The following SDK1 variants were observed in gnomAD, a reference collection of about 807,000 sequenced individuals.
The protein encoded by SDK1 is protein sidekick-1.
Under a neutral mutation model 245.5 loss-of-function variants are expected in SDK1, and 157 were observed. The ratio of observed to expected loss-of-function variants is 0.64; its 90% CI spans 0.56 to 0.73. The LOEUF (loss-of-function observed/expected upper bound fraction) is 0.73, where lower values mean the gene tolerates loss of function less well. Ranked by LOEUF, SDK1 falls within the 30% of genes least tolerant of loss-of-function variation. The pLI, the probability that SDK1 is intolerant of heterozygous loss-of-function variation, is 0.00. For synonymous variants in SDK1, 1,647 were observed against 1,278.5 expected (o/e 1.29, Z -6.15); for missense variants, 3,583 against 3,002.3 (o/e 1.19, Z -4.52).
chr7:3,705,912 C>T (rs1784876433), intron 4 of SDK1, among the ~76,000 whole-genome samples: 1 of 152,108 alleles, frequency 6.6e-6, no homozygotes, highest in African/African-American at 2.4e-5. Flanking sequence ...GGGTTTGCCA[C>T]AGATGGCTTT....
intron 1 of SDK1, among the ~76,000 whole-genome samples, chr7:3,586,853 G>A (rs1780706682): frequency 6.6e-6 from 1 of 152,202 alleles, no homozygotes; most frequent in Non-Finnish European, 1.5e-5. Context: ...GACAGAAGCT[G>A]CCACTTGAGC....
In SDK1 at chr7:4,265,647, G is replaced by T. The variant is rs1408263347; in HGVS notation, c.*263G>T. On this transcript the variant is annotated 3_prime_UTR_variant, in exon 45 of 45. Coordinates refer to ENST00000404826, the MANE Select transcript of SDK1 (RefSeq NM_152744.4). ...AGAAGGTGTATTTCACTGGTGCAAT[G>T]GCTTGGCACCTCCGGGGCCTGGGAG... 7.9e-7 allele frequency: 1 copy of T among 1,266,650 alleles called. No homozygotes were observed. Among genetic ancestry groups the T allele is most frequent in the African/African-American group, 1.6e-5 (1 of 63,390 alleles). 78.5% of individuals were successfully genotyped at this position (1,266,650 alleles called of 1,614,324 possible). A position where few individuals can be genotyped will look rare whatever the true frequency, so the allele number is the denominator to read the frequency against.
rs1361051550 is a variant in SDK1 at position 4,267,956 on chromosome 7, G to T, written c.*2572G>T. The T allele has an allele frequency of 1.0e-6, 1 of 985,472 alleles. No homozygotes were observed. Among genetic ancestry groups the T allele is most frequent in the Non-Finnish European group, 1.2e-6 (1 of 829,964 alleles). The allele number at this position is 985,472 out of a possible 1,614,324, so 61.0% of individuals were successfully genotyped here. ...AGATTTTGGCCTCCCAGAGCAATGC[G>T]GCATTTGAGAAGCAACAGTTCCTAA... On this transcript the variant is annotated 3_prime_UTR_variant, in exon 45 of 45. Coordinates refer to ENST00000404826, the MANE Select transcript of SDK1 (RefSeq NM_152744.4).
intron 35 of SDK1, among the ~76,000 whole-genome samples, chr7:4,199,275 C>T (rs1184567790): frequency 1.3e-5 from 2 of 152,200 alleles, no homozygotes; most frequent in African/African-American, 2.4e-5. Flanking sequence ...CCGGATCTTC[C>T]TGTGATGGGG....
chr7:4,021,273 A>G (rs2128153995), intron 17 of SDK1, among the ~76,000 whole-genome samples: 1 of 152,244 alleles, frequency 6.6e-6, no homozygotes, highest in South Asian at 2.1e-4. Context: ...CCCCTCATCT[A>G]TCCACAGATC....
At chr7:3,315,551 A>G (rs1779643522) in intron 1 of SDK1, among the ~76,000 whole-genome samples, 1 of 152,166 alleles carries the variant, frequency 6.6e-6, no homozygotes, top group Non-Finnish European at 1.5e-5. Flanking sequence ...GCATATTATA[A>G]AACAGGTAAG....
rs1360782188 is a variant in SDK1, at chr7:3,534,851, T to C, written c.299-84229T>C. 2.6e-5 allele frequency among the ~76,000 whole-genome samples: 4 copies of C among 152,180 alleles called. No individual in the cohort carries two copies. In the South Asian group the frequency reaches 6.2e-4, roughly 24 times the overall value. On this transcript the variant is annotated intron_variant, in intron 1 of 44. Coordinates refer to ENST00000404826, the MANE Select transcript of SDK1 (RefSeq NM_152744.4). ...GCAGTTGTGCCAATCATGTTCAAAA[T>C]GGTGGCCCCATCTTCCCTTCTCTTT...
chr7:3,457,477 TGTG>T (rs1780707610), intron 1 of SDK1, among the ~76,000 whole-genome samples: 1 of 152,176 alleles, frequency 6.6e-6, no homozygotes, highest in African/African-American at 2.4e-5. Context: ...TCAATCATAA[TGTG>T]GTGTGTACAT....
chr7:4,083,033 C>T (rs1245438197), intron 22 of SDK1, among the ~76,000 whole-genome samples: 1 of 152,084 alleles, frequency 6.6e-6, no homozygotes, highest in Non-Finnish European at 1.5e-5. Flanking sequence ...GCAGGGTTCA[C>T]ACTATTCATT....
chr7:3,940,484 TCTTC>T (rs1780317631), intron 5 of SDK1, among the ~76,000 whole-genome samples: 1 of 152,186 alleles, frequency 6.6e-6, no homozygotes, highest in Non-Finnish European at 1.5e-5. Context: ...GGCATCTTCT[TCTTC>T]CTTCCCAGCC....
chr7:4,161,320 A>G (rs906806769), intron 31 of SDK1, among the ~76,000 whole-genome samples: 5 of 152,162 alleles, frequency 3.3e-5, no homozygotes, highest in African/African-American at 1.2e-4. Context: ...CCAGAAATCA[A>G]TCTCCTTTCC....
At chr7:3,339,970 A>G (rs957863564) in intron 1 of SDK1, among the ~76,000 whole-genome samples, 2 of 152,136 alleles carry the variant, frequency 1.3e-5, no homozygotes, top group African/African-American at 4.8e-5. Context: ...GATAAAAAGG[A>G]ATAAGACCCA....
At chr7:3,742,539 T>C (rs1779506022) in intron 4 of SDK1, among the ~76,000 whole-genome samples, 1 of 152,176 alleles carries the variant, frequency 6.6e-6, no homozygotes, top group Non-Finnish European at 1.5e-5. Flanking sequence ...TTTGCCTTCA[T>C]ACAGTCTGCC....
At chr7:3,852,261 G>T (rs559220348) in intron 5 of SDK1, among the ~76,000 whole-genome samples, 1 of 151,364 alleles carries the variant, frequency 6.6e-6, no homozygotes, top group South Asian at 2.1e-4. Context: ...TTCCGTAGAA[G>T]TATAGAAAAC....
intron 1 of SDK1, among the ~76,000 whole-genome samples, chr7:3,463,321 C>T (rs1166456533): frequency 6.6e-6 from 1 of 151,944 alleles, no homozygotes. Context: ...CTGAAAAATA[C>T]TTGTCATATA....
At chr7:4,145,207 C>T (rs549139970) in intron 28 of SDK1, among the ~76,000 whole-genome samples, 2 of 152,228 alleles carry the variant, frequency 1.3e-5, no homozygotes, top group East Asian at 3.9e-4. Context: ...TGCTGGGGTC[C>T]CTGGAGGGAG....
At chr7:3,354,610 T>C (rs2128559081) in intron 1 of SDK1, among the ~76,000 whole-genome samples, 1 of 152,312 alleles carries the variant, frequency 6.6e-6, no homozygotes, top group East Asian at 1.9e-4. Context: ...TCTACATTTT[T>C]TTCATGTGTA....
chr7:3,908,030 G>A (rs1305629223), intron 5 of SDK1, among the ~76,000 whole-genome samples: 2 of 152,118 alleles, frequency 1.3e-5, no homozygotes, highest in African/African-American at 4.8e-5. Context: ...TTGATACATT[G>A]TTTCCTGAGC....
intron 19 of SDK1, among the ~76,000 whole-genome samples, chr7:4,060,585 G>A (rs1354054314): frequency 6.6e-6 from 1 of 152,020 alleles, no homozygotes; most frequent in Non-Finnish European, 1.5e-5. Context: ...CTCCCATTGT[G>A]TAGGTTGCCT....
Sources: allele counts gnomAD v4.1 joint callset (sites outside exome capture counted in the v4.1 genomes callset), GRCh38; gene constraint gnomAD v4.1.1; transcripts MANE v1.5; gene names NCBI Gene and HGNC (gene_info 2026-07-23, HGNC 2026-07-21).